Variants in RBM18 observed in about 807,000 individuals in gnomAD.
RBM18 encodes probable RNA-binding protein 18.
In RBM18, 18 loss-of-function variants were observed where a neutral mutation model predicts 26.4. That is an observed-to-expected ratio of 0.68 (90% CI 0.47 to 1.01). RBM18 has a LOEUF of 1.01. RBM18 is among the 50% of genes least tolerant of loss of function. The pLI, the probability that RBM18 is intolerant of heterozygous loss-of-function variation, is 0.00. For synonymous variants in RBM18, 74 were observed against 81.1 expected, an observed-to-expected ratio of 0.91 and a Z score of 0.47; for missense variants, 180 against 219.2, an observed-to-expected ratio of 0.82 and a Z score of 1.13.
chr9:122,238,217 A>C lies in RBM18; in HGVS notation c.*3667T>G, dbSNP rs1247618344. 6.6e-6 allele frequency: 1 copy of C among 152,260 alleles called. No individual in the cohort carries two copies. Among genetic ancestry groups the C allele is most frequent in the Non-Finnish European group, 1.5e-5 (1 of 68,064 alleles). The allele number at this position is 152,260 out of a possible 1,614,324, so 9.4% of individuals were successfully genotyped here. A position where few individuals can be genotyped will look rare whatever the true frequency, so the allele number is the denominator to read the frequency against. ...CCAGAATTCTTGTAGTTTATCCAAC[A>C]AATATTTATTGAGTATGTATGATGT... On this transcript the variant is annotated 3_prime_UTR_variant, in exon 6 of 6. Coordinates refer to ENST00000417201, the MANE Select transcript of RBM18 (RefSeq NM_033117.4).
intron 5 of RBM18, chr9:122,243,624 A>C: frequency 3.4e-6 from 2 of 596,880 alleles, no homozygotes; most frequent in Non-Finnish European, 2.1e-6. Flanking sequence ...TTAATGGTCT[A>C]TGGCCAGTGA....
rs1831425244 is a variant in RBM18 at position 122,241,795 on chromosome 9, T to C, written c.*89A>G. ...TAACATGTGATTGTGCTCCGTTGAA[T>C]AGTACCATTCACATCTACAAAGTAC... is the stretch of plus-strand genomic sequence containing the variant. On this transcript the variant is annotated 3_prime_UTR_variant, in exon 6 of 6. Transcript: ENST00000417201. 5.5e-6 allele frequency: 6 copies of C among 1,089,778 alleles called. No individual in the cohort carries two copies. The highest frequency in any genetic ancestry group is 4.8e-5 in the East Asian group (2 of 42,026). The allele number at this position is 1,089,778 out of a possible 1,614,324, so 67.5% of individuals were successfully genotyped here.
At chr9:122,253,720 T>TAAAAAAAAA (rs574918085) in intron 2 of RBM18, among the ~76,000 whole-genome samples, 1 of 131,142 alleles carries the variant, frequency 7.6e-6, no homozygotes. Flanking sequence ...AACCTATTCT[T>TAAAAAAAAA]AAAAAAAAAA....
rs1831611341 is a variant in RBM18, at chr9:122,251,938, T to C, written c.149A>G (p.Lys50Arg). The C allele has an allele frequency of 6.2e-7, 1 of 1,614,156 alleles. No homozygotes were observed. Among genetic ancestry groups the C allele is most frequent in the South Asian group, 1.1e-5 (1 of 91,080 alleles). Residue 50 changes from lysine to arginine, a missense_variant, in exon 3 of 6, where the codon AAG (lysine) becomes AGG (arginine). Transcript: ENST00000417201. ...GAAGAGGAAGTCAAACTGCTTTACC[T>C]TGCCAAACTTCTGGAGGAGCTTGAG... ...HLLKLLQKFG[K>R]VKQFDFLFHK...
intron 4 of RBM18, among the ~76,000 whole-genome samples, chr9:122,246,915 T>G (rs1258063658): frequency 6.6e-6 from 1 of 152,136 alleles, no homozygotes; most frequent in Non-Finnish European, 1.5e-5. Context: ...TTTGTTTTGT[T>G]TTTTTTAATG....
At chr9:122,248,076 C>T (rs1432310890) in intron 3 of RBM18, among the ~76,000 whole-genome samples, 2 of 152,096 alleles carry the variant, frequency 1.3e-5, no homozygotes, top group South Asian at 2.1e-4. Flanking sequence ...TGAGCTACTG[C>T]GCCTGGCTAA....
At chr9:122,261,955 A>G (rs192693196) in intron 1 of RBM18, among the ~76,000 whole-genome samples, 1 of 152,342 alleles carries the variant, frequency 6.6e-6, no homozygotes, top group East Asian at 1.9e-4. Flanking sequence ...CAAAGAGAAG[A>G]GGCAATATAG....
Position 122,241,832 on chromosome 9 carries a change from AT to A in RBM18, c.*51del. 6.4e-7 allele frequency: 1 copy of A among 1,553,066 alleles called. No individual in the cohort carries two copies. Among genetic ancestry groups the A allele is most frequent in the Non-Finnish European group, 8.8e-7 (1 of 1,130,684 alleles). On this transcript the variant is annotated 3_prime_UTR_variant, in exon 6 of 6. Coordinates refer to ENST00000417201, the MANE Select transcript of RBM18 (RefSeq NM_033117.4). Reference sequence around the variant, plus strand: ...CATCTACAAAGTACACAGGCAGACGATTTTAGGTGTGGAGACCAATTTGCTT... The same window carrying A: ...CATCTACAAAGTACACAGGCAGACGATTTAGGTGTGGAGACCAATTTGCTT...
Position 122,241,279 on chromosome 9 carries a change from C to G in RBM18, c.*605G>C, listed in dbSNP as rs1436401905. On this transcript the variant is annotated 3_prime_UTR_variant, in exon 6 of 6. Transcript: ENST00000417201. The stretch of plus-strand genomic sequence containing the variant: ...ATTTTAAGATATACACCATGTTTTC[C>G]TAGTTGGGATTTTGAAACAATAAGC... 6.6e-6 allele frequency: 1 copy of G among 152,088 alleles called. No homozygotes were observed. The highest frequency in any genetic ancestry group is 1.5e-5 in the Non-Finnish European group (1 of 68,002). The allele number at this position is 152,088 out of a possible 1,614,324, so 9.4% of individuals were successfully genotyped here. A position where few individuals can be genotyped will look rare whatever the true frequency, so the allele number is the denominator to read the frequency against.
At chr9:122,243,494 G>C (rs1295261955) in intron 5 of RBM18, among the ~76,000 whole-genome samples, 1 of 152,192 alleles carries the variant, frequency 6.6e-6, no homozygotes, top group South Asian at 2.1e-4. Flanking sequence ...AGATCTTAGA[G>C]AAGTTGCGAG....
chr9:122,256,021 ACT>A (rs1309817467), intron 2 of RBM18, among the ~76,000 whole-genome samples: 3 of 151,474 alleles, frequency 2.0e-5, no homozygotes, highest in Non-Finnish European at 2.9e-5. Context: ...ACAGAGTGAG[ACT>A]CTGTCTCAAA....
At chr9:122,262,613 T>C (rs975535291) in intron 1 of RBM18, among the ~76,000 whole-genome samples, 2 of 152,186 alleles carry the variant, frequency 1.3e-5, no homozygotes, top group Admixed American at 1.3e-4. Flanking sequence ...AGACAGACTC[T>C]CGCTCTGTTG....
At chr9:122,256,410 A>G (rs1277740834) in intron 2 of RBM18, among the ~76,000 whole-genome samples, 2 of 152,170 alleles carry the variant, frequency 1.3e-5, no homozygotes, top group Admixed American at 1.3e-4. Flanking sequence ...TACAGCGGCT[A>G]CGACTTTGGC....
intron 3 of RBM18, among the ~76,000 whole-genome samples, chr9:122,250,785 T>A (rs1831589093): frequency 6.6e-6 from 1 of 152,178 alleles, no homozygotes; most frequent in African/African-American, 2.4e-5. Flanking sequence ...TGACTAAGTG[T>A]TAACAGTGAT....
At chr9:122,248,730 C>T (rs749362041) in intron 3 of RBM18, among the ~76,000 whole-genome samples, 5 of 152,198 alleles carry the variant, frequency 3.3e-5, no homozygotes, top group Non-Finnish European at 7.3e-5. Context: ...CATTTGCATC[C>T]ATGAGGCATT....
intron 5 of RBM18, among the ~76,000 whole-genome samples, chr9:122,243,562 G>A (rs1440466914): frequency 6.6e-6 from 1 of 152,148 alleles, no homozygotes; most frequent in East Asian, 1.9e-4. Context: ...GAGCACTCAG[G>A]GAGTAGGTAT....
chr9:122,247,419 G>T, intron 4 of RBM18, 99 bp downstream of exon 4: 3 of 968,334 alleles, frequency 3.1e-6, no homozygotes, highest in Non-Finnish European at 4.9e-6. Context: ...GCTGTTTCAG[G>T]TGTGAAGAGA....
rs184078323 is a variant in RBM18 at position 122,237,868 on chromosome 9, G to A, written c.*4016C>T. 61 of 152,146 alleles carry A rather than the reference G, an allele frequency of 4.0e-4. No individual in the cohort carries two copies. The highest frequency in any genetic ancestry group is 1.4e-3 in the African/African-American group (58 of 41,496). 9.4% of individuals were successfully genotyped at this position (152,146 alleles called of 1,614,324 possible). A position where few individuals can be genotyped will look rare whatever the true frequency, so the allele number is the denominator to read the frequency against. On this transcript the variant is annotated 3_prime_UTR_variant, in exon 6 of 6. Transcript: ENST00000417201. ...GCCTGGGCATGGTTGTGTTCTAATA[G>A]TTATTAACATACACTGAGATTTGAA...
chr9:122,256,958 T>G (rs1255968021), intron 2 of RBM18, among the ~76,000 whole-genome samples: 1 of 152,222 alleles, frequency 6.6e-6, no homozygotes, highest in Non-Finnish European at 1.5e-5. Context: ...GAACATAAGT[T>G]TGGAATCTGC....
Sources: allele counts gnomAD v4.1 joint callset (sites outside exome capture counted in the v4.1 genomes callset), GRCh38; gene constraint gnomAD v4.1.1; transcripts MANE v1.5; gene names NCBI Gene and HGNC (gene_info 2026-07-23, HGNC 2026-07-21).